The following ZMYM2 variants were observed in gnomAD, a reference collection of about 807,000 sequenced individuals.
ZMYM2 encodes zinc finger MYM-type protein 2.
In ZMYM2, 56 loss-of-function variants were observed where a neutral mutation model predicts 162.8. The observed-to-expected ratio is 0.34, with a 90% CI of 0.28 to 0.43. The LOEUF (loss-of-function observed/expected upper bound fraction) is 0.43, where lower values mean the gene tolerates loss of function less well. ZMYM2 is among the 20% of genes least tolerant of loss of function. ZMYM2 has a pLI of 1.00. For synonymous variants in ZMYM2, 510 were observed against 541.6 expected (o/e 0.94, Z 0.81); for missense variants, 1,275 against 1,621.8 (o/e 0.79, Z 3.67).
chr13:20,028,284 T>TA (rs1186056630), intron 9 of ZMYM2, among the ~76,000 whole-genome samples: 2 of 152,186 alleles, frequency 1.3e-5, no homozygotes, highest in East Asian at 3.8e-4. Flanking sequence ...GATACATCCT[T>TA]ACAGTGGTAG....
At chr13:20,002,706 C>CTA in intron 3 of ZMYM2, 144 bp from the exon 4 acceptor site, 1 of 971,034 alleles carries the variant, frequency 1.0e-6, no homozygotes, top group Non-Finnish European at 1.5e-6. Context: ...AAAACTTGTG[C>CTA]TATATACCTC....
At chr13:19,997,869 T>C (rs1950133156) in intron 3 of ZMYM2, among the ~76,000 whole-genome samples, 2 of 152,206 alleles carry the variant, frequency 1.3e-5, no homozygotes, top group Admixed American at 6.5e-5. Context: ...CATGTCAATA[T>C]ATGCGTGTGA....
chr13:20,065,462 A>G (rs1398143537), intron 19 of ZMYM2, among the ~76,000 whole-genome samples: 1 of 152,172 alleles, frequency 6.6e-6, no homozygotes, highest in Non-Finnish European at 1.5e-5. Flanking sequence ...ACTGGACTAC[A>G]TCAAAATTAA....
intron 2 of ZMYM2, among the ~76,000 whole-genome samples, chr13:19,977,210 G>A (rs1358189971): frequency 1.3e-5 from 2 of 148,562 alleles, no homozygotes; most frequent in Non-Finnish European, 1.5e-5. Context: ...AAATTGAGAT[G>A]GGATCTCACT....
chr13:19,891,838 CACTG>C, the ZMYM2 span, among the ~76,000 whole-genome samples: 1 of 151,852 alleles, frequency 6.6e-6, no homozygotes, highest in Non-Finnish European at 1.5e-5. Flanking sequence ...CCCTGTAGGA[CACTG>C]ACTGATTTTA....
At chr13:19,961,724 C>T (rs1332243290) in intron 2 of ZMYM2, among the ~76,000 whole-genome samples, 1 of 152,128 alleles carries the variant, frequency 6.6e-6, no homozygotes, top group African/African-American at 2.4e-5. Flanking sequence ...GCTGCTTTTA[C>T]GTAATACCAG....
chr13:19,965,250 G>A, intron 2 of ZMYM2: 4 of 1,301,208 alleles, frequency 3.1e-6, no homozygotes, highest in African/African-American at 1.5e-5. Flanking sequence ...CTCTGCCGTA[G>A]TCACCTGGAT....
chr13:19,896,285 A>G, the ZMYM2 span, among the ~76,000 whole-genome samples: 1 of 151,406 alleles, frequency 6.6e-6, no homozygotes, highest in Admixed American at 6.6e-5. Context: ...CTGGGACTAC[A>G]ATTGCATGCC....
At chr13:20,080,429 T>C (rs953949918) in intron 21 of ZMYM2, among the ~76,000 whole-genome samples, 2 of 152,174 alleles carry the variant, frequency 1.3e-5, no homozygotes, top group African/African-American at 4.8e-5. Context: ...AAATAGGCTT[T>C]TTGTAGACAG....
At chr13:19,941,720 CTTTTTTTTTTT>C in the ZMYM2 span, among the ~76,000 whole-genome samples, 16 of 63,002 alleles carry the variant, frequency 2.5e-4, no homozygotes, top group African/African-American at 3.9e-4. Context: ...TGGCTTTCTG[CTTTTTTTTTTT>C]TTTTTTTTTT....
At chr13:20,074,178 T>C (rs1957301499) in intron 21 of ZMYM2, among the ~76,000 whole-genome samples, 1 of 151,206 alleles carries the variant, frequency 6.6e-6, no homozygotes, top group Admixed American at 6.6e-5. Flanking sequence ...ATCTGTGTTG[T>C]GTAGCATATG....
intron 14 of ZMYM2, among the ~76,000 whole-genome samples, chr13:20,056,046 C>G (rs1279986023): frequency 6.6e-6 from 1 of 152,174 alleles, no homozygotes; most frequent in African/African-American, 2.4e-5. Flanking sequence ...ATGGGACTGG[C>G]TTATTTTTAC....
chr13:19,898,285 T>G, the ZMYM2 span, among the ~76,000 whole-genome samples: 1 of 150,574 alleles, frequency 6.6e-6, no homozygotes, highest in Non-Finnish European at 1.5e-5. Flanking sequence ...CAGGCTGGAG[T>G]GCAGTGGCAC....
chr13:20,063,150 C>G (rs1956357883), intron 18 of ZMYM2, among the ~76,000 whole-genome samples, 179 bp downstream of exon 18: 1 of 151,294 alleles, frequency 6.6e-6, no homozygotes, highest in South Asian at 2.1e-4. Flanking sequence ...TTTTTAAAAA[C>G]CCACCTTAAC....
chr13:20,046,996 C>T (rs964883218), intron 12 of ZMYM2, among the ~76,000 whole-genome samples: 3 of 151,812 alleles, frequency 2.0e-5, no homozygotes, highest in Admixed American at 6.6e-5. Flanking sequence ...TATATTCATG[C>T]CTTATTTTAA....
intron 2 of ZMYM2, among the ~76,000 whole-genome samples, chr13:19,964,794 A>T (rs1035204220): frequency 6.6e-6 from 1 of 152,122 alleles, no homozygotes; most frequent in African/African-American, 2.4e-5. Flanking sequence ...AGTTAGTCTA[A>T]AGAGTTTTTA....
intron 3 of ZMYM2, among the ~76,000 whole-genome samples, chr13:19,998,780 A>G (rs960415744): frequency 1.3e-5 from 2 of 152,210 alleles, no homozygotes; most frequent in African/African-American, 4.8e-5. Flanking sequence ...AGAACCAAAA[A>G]ATCATCCTTT....
rs1371580326 is a variant in ZMYM2 at position 20,058,641 on chromosome 13, C to T, written c.2560C>T (p.Pro854Ser). 1 of 1,613,788 alleles carries T rather than the reference C, an allele frequency of 6.2e-7. No individual in the cohort carries two copies. Residue 854 changes from proline to serine, a missense_variant, in exon 15 of 25, where the codon CCT becomes TCT. Coordinates refer to ENST00000610343, the MANE Select transcript of ZMYM2 (RefSeq NM_197968.4). ...EMKNKAVLCKPLTMTKATYCK... is the reference protein window; with the variant it reads ...EMKNKAVLCKSLTMTKATYCK... ...GAAGAACAAAGCAGTTCTTTGCAAA[C>T]CTTTAACAATGACAAAAGCTACTTA...
Position 20,019,603 on chromosome 13 carries a change from C to A in ZMYM2, c.1569C>A (p.Phe523Leu). 1 of 1,596,422 alleles carries A rather than the reference C, an allele frequency of 6.3e-7. No homozygotes were observed. Among genetic ancestry groups the A allele is most frequent in the Non-Finnish European group, 8.5e-7 (1 of 1,170,882 alleles). The change falls in exon 7 of 25, where the codon TTC becomes TTA. Residue 523 changes from phenylalanine to leucine, a missense_variant. Physicochemically the swap from Phe to Leu is conservative, Grantham distance 22 (BLOSUM62 0). This residue lies in a region of ZMYM2 where 276 missense variants were observed against 311.8 expected (regional missense o/e 0.89). Coordinates refer to ENST00000610343, the MANE Select transcript of ZMYM2 (RefSeq NM_197968.4). ...TTCGAGATCACATGCAGGACTCTTT[C>A]TTAATGCAGCCTGAGGTAAGCAGGA... ...KEVRDHMQDS[F>L]LMQPEKYGKL...
Sources: allele counts gnomAD v4.1 joint callset (sites outside exome capture counted in the v4.1 genomes callset), GRCh38; gene constraint gnomAD v4.1.1; regional missense constraint gnomAD v4.1.1; transcripts MANE v1.5; gene names NCBI Gene and HGNC (gene_info 2026-07-23, HGNC 2026-07-21).